The following NETO1 variants were observed in gnomAD, a reference collection of about 807,000 sequenced individuals.
NETO1 encodes the protein neuropilin and tolloid-like protein 1.
A neutral mutation model predicts 61.3 loss-of-function variants in NETO1; 26 were observed. That is an observed-to-expected ratio of 0.42 (90% confidence interval 0.31 to 0.59). The LOEUF (loss-of-function observed/expected upper bound fraction) is 0.59. NETO1 is among the 20% of genes least tolerant of loss of function. The probability of loss-of-function intolerance (pLI) is 0.12; values close to 1 mark genes in which losing one functional copy is unlikely to be tolerated. For synonymous variants in NETO1, 225 were observed against 225.8 expected, an observed-to-expected ratio of 1.00 and a Z score of 0.03; for missense variants, 531 against 662.8, an observed-to-expected ratio of 0.80 and a Z score of 2.18.
rs946503865 is a variant in NETO1 at position 72,748,118 on chromosome 18, T to C, written c.*61A>G. On this transcript the variant is annotated 3_prime_UTR_variant, in exon 11 of 11. Coordinates refer to ENST00000327305, the MANE Select transcript of NETO1 (RefSeq NM_138966.5). ...TATGTCCACTTTTCACAATTCACTA[T>C]AGAATTTTCTTTTCACAGTCCCCAT... The C allele has an allele frequency of 1.0e-6, 1 of 971,874 alleles. No individual in the cohort carries two copies. The highest frequency in any genetic ancestry group is 4.8e-5 in the South Asian group (1 of 21,008). The allele number at this position is 971,874 out of a possible 1,614,324, so 60.2% of individuals were successfully genotyped here.
chr18:72,792,642 A>C (rs889864694), intron 6 of NETO1, among the ~76,000 whole-genome samples: 4 of 151,696 alleles, frequency 2.6e-5, no homozygotes, highest in African/African-American at 9.7e-5. Context: ...CAGGAAAAAA[A>C]ACAATTTTCC....
chr18:72,791,274 A>T (rs1181657192), intron 6 of NETO1, among the ~76,000 whole-genome samples: 1 of 152,246 alleles, frequency 6.6e-6, no homozygotes, highest in Non-Finnish European at 1.5e-5. Context: ...CAAGTAAGCT[A>T]TTCAGCACTT....
At chr18:72,835,416 C>T (rs1413659822) in intron 4 of NETO1, 3 of 931,682 alleles carry the variant, frequency 3.2e-6, no homozygotes, top group African/African-American at 1.7e-5. Context: ...TTGGGTAATA[C>T]AGGAGGAGCA....
chr18:72,844,811 T>C (rs1016645722), intron 4 of NETO1, among the ~76,000 whole-genome samples: 2 of 152,042 alleles, frequency 1.3e-5, no homozygotes, highest in East Asian at 3.9e-4. Context: ...GGTGTCCATA[T>C]AGAGAAAGAA....
intron 7 of NETO1, among the ~76,000 whole-genome samples, chr18:72,778,195 G>C (rs1473781550): frequency 6.6e-6 from 1 of 152,128 alleles, no homozygotes; most frequent in Non-Finnish European, 1.5e-5. Flanking sequence ...TGAGATGAGA[G>C]GCAGGCGCAG....
chr18:72,773,369 T>G (rs1397074108), intron 7 of NETO1, among the ~76,000 whole-genome samples: 2 of 152,134 alleles, frequency 1.3e-5, no homozygotes, highest in Non-Finnish European at 2.9e-5. Flanking sequence ...AAAATAAGTT[T>G]TCACAGAGAA....
chr18:72,853,061 C>T (rs1168989467), intron 4 of NETO1, among the ~76,000 whole-genome samples: 1 of 152,062 alleles, frequency 6.6e-6, no homozygotes, highest in Non-Finnish European at 1.5e-5. Flanking sequence ...TCTCAAACTC[C>T]TGACCTAAGG....
chr18:72,838,138 T>C (rs755448676), intron 4 of NETO1, among the ~76,000 whole-genome samples: 19 of 152,336 alleles, frequency 1.2e-4, no homozygotes, highest in Non-Finnish European at 2.4e-4. Context: ...CTGTCCTCCT[T>C]CTTCCTGGTT....
chr18:72,803,515 T>TAA (rs768086830), intron 4 of NETO1, among the ~76,000 whole-genome samples: 29 of 152,174 alleles, frequency 1.9e-4, no homozygotes, highest in Non-Finnish European at 3.5e-4. Flanking sequence ...CACCCCTCCC[T>TAA]GAAAAGGCTC....
intron 4 of NETO1, among the ~76,000 whole-genome samples, chr18:72,797,871 A>C (rs9962470): frequency 0.72 from 108,743 of 152,044 alleles, 40,405 homozygotes; most frequent in East Asian, 0.92. Flanking sequence ...CTCTGCAATA[A>C]CTTTCTCCTG....
intron 6 of NETO1, among the ~76,000 whole-genome samples, chr18:72,788,024 A>G (rs1477193221): frequency 6.6e-6 from 1 of 152,218 alleles, no homozygotes; most frequent in Non-Finnish European, 1.5e-5. Flanking sequence ...AAATTCTTTA[A>G]AAATAGAAAT....
chr18:72,828,087 CG>C (rs145836969), intron 4 of NETO1, among the ~76,000 whole-genome samples: 3,581 of 152,274 alleles, frequency 0.024, 59 homozygotes, highest in Non-Finnish European at 0.035. Context: ...CCAAGGCCAG[CG>C]GATCACCTGA....
chr18:72,786,221 T>C (rs8099007), intron 6 of NETO1, among the ~76,000 whole-genome samples: 114,736 of 152,058 alleles, frequency 0.75, 43,358 homozygotes, highest in Admixed American at 0.82. Flanking sequence ...TTATATACAG[T>C]GGAAATTATA....
intron 8 of NETO1, among the ~76,000 whole-genome samples, chr18:72,751,050 T>TACACACACACACACACAC (rs764681364): frequency 0.022 from 2,979 of 138,018 alleles, 59 homozygotes; most frequent in Middle Eastern, 0.046. Flanking sequence ...CATCTTAAAA[T>TACACACACACACACACAC]ACACACACAC....
intron 4 of NETO1, among the ~76,000 whole-genome samples, chr18:72,805,842 T>C (rs1599035911): frequency 1.3e-5 from 2 of 151,274 alleles, no homozygotes; most frequent in Non-Finnish European, 2.9e-5. Flanking sequence ...TAAAATACAA[T>C]TTTTTTTTGG....
intron 4 of NETO1, among the ~76,000 whole-genome samples, chr18:72,817,854 G>C (rs1199101087): frequency 1.3e-5 from 2 of 152,154 alleles, no homozygotes; most frequent in East Asian, 3.9e-4. Context: ...TGCTCTAAAA[G>C]ACATCAGTTC....
chr18:72,799,994 T>G (rs927219663), intron 4 of NETO1, among the ~76,000 whole-genome samples: 3 of 152,236 alleles, frequency 2.0e-5, no homozygotes, highest in Non-Finnish European at 4.4e-5. Context: ...AAAGCCAAAC[T>G]GGAATTATGG....
chr18:72,759,980 T>G (rs2070917163), intron 7 of NETO1, among the ~76,000 whole-genome samples: 1 of 152,144 alleles, frequency 6.6e-6, no homozygotes, highest in South Asian at 2.1e-4. Flanking sequence ...GAATAGCAAA[T>G]AGAGCTTCCC....
chr18:72,825,070 A>G (rs1008071540), intron 4 of NETO1, among the ~76,000 whole-genome samples: 1 of 152,304 alleles, frequency 6.6e-6, no homozygotes, highest in South Asian at 2.1e-4. Flanking sequence ...AATCCTAAAC[A>G]GAGGATATAA....
Sources: gnomAD v4.1 joint callset for allele counts (sites outside exome capture counted in the v4.1 genomes callset) on GRCh38, gnomAD v4.1.1 for gene constraint, MANE v1.5 for transcripts, NCBI Gene and HGNC (gene_info 2026-07-23, HGNC 2026-07-21) for gene names.